Variants in NRXN3 observed in about 807,000 individuals in gnomAD.
NRXN3 encodes the protein neurexin 3.
Under a neutral mutation model 137.6 loss-of-function variants are expected in NRXN3, and 32 were observed. The observed-to-expected ratio is 0.23, with a 90% CI of 0.18 to 0.31. The LOEUF is 0.31. NRXN3 is among the 10% of genes least tolerant of loss of function. The pLI, the probability that NRXN3 is intolerant of heterozygous loss-of-function variation, is 1.00. For synonymous variants in NRXN3, 798 were observed against 784.5 expected, an observed-to-expected ratio of 1.02 and a Z score of -0.29; for missense variants, 1,574 against 2,062.5, an observed-to-expected ratio of 0.76 and a Z score of 4.59.
At chr14:78,328,654 A>G (rs1353742725) in intron 4 of NRXN3, among the ~76,000 whole-genome samples, 1 of 152,238 alleles carries the variant, frequency 6.6e-6, no homozygotes, top group Non-Finnish European at 1.5e-5. Context: ...ATGCATAAAT[A>G]TCCACACCAG....
At chr14:78,935,723 G>T (rs1486852284) in intron 10 of NRXN3, among the ~76,000 whole-genome samples, 3 of 152,098 alleles carry the variant, frequency 2.0e-5, no homozygotes, top group Non-Finnish European at 4.4e-5. Context: ...TCATACTCAG[G>T]ATGTTTAAAA....
At chr14:78,624,426 G>C (rs974080371) in intron 4 of NRXN3, among the ~76,000 whole-genome samples, 1 of 152,232 alleles carries the variant, frequency 6.6e-6, no homozygotes, top group African/African-American at 2.4e-5. Flanking sequence ...GATGTGGATG[G>C]ATGAGGAGAT....
chr14:78,276,449 C>T (rs1051127098), intron 2 of NRXN3, among the ~76,000 whole-genome samples: 3 of 152,230 alleles, frequency 2.0e-5, no homozygotes, highest in South Asian at 2.1e-4. Context: ...TTGATATTTC[C>T]GTCTGTGGTA....
At chr14:79,515,618 C>T (rs574673077) in intron 16 of NRXN3, among the ~76,000 whole-genome samples, 5 of 152,088 alleles carry the variant, frequency 3.3e-5, no homozygotes, top group African/African-American at 9.7e-5. Flanking sequence ...CTCCTCCTCC[C>T]GCCTTCCTGT....
intron 16 of NRXN3, among the ~76,000 whole-genome samples, chr14:79,594,450 C>A (rs1028561762): frequency 6.6e-6 from 1 of 152,072 alleles, no homozygotes; most frequent in Admixed American, 6.5e-5. Context: ...GATACTATAG[C>A]CTTTAAAATA....
chr14:78,575,297 A>G (rs2096926229), intron 4 of NRXN3, among the ~76,000 whole-genome samples: 2 of 152,198 alleles, frequency 1.3e-5, no homozygotes. Flanking sequence ...ATAGGATGGT[A>G]ATATAATAAA....
intron 4 of NRXN3, among the ~76,000 whole-genome samples, chr14:78,356,355 G>A (rs921968823): frequency 2.6e-5 from 4 of 152,236 alleles, no homozygotes; most frequent in African/African-American, 9.6e-5. Flanking sequence ...GAATAGATAT[G>A]AGATATTTCA....
At chr14:79,245,288 C>T (rs138164231) in intron 15 of NRXN3, among the ~76,000 whole-genome samples, 35 of 152,202 alleles carry the variant, frequency 2.3e-4, no homozygotes, top group African/African-American at 8.2e-4. Flanking sequence ...TATGATGTTG[C>T]CACACTCTAT....
chr14:78,353,905 G>T (rs1159001827), intron 4 of NRXN3, among the ~76,000 whole-genome samples: 2 of 152,162 alleles, frequency 1.3e-5, no homozygotes, highest in African/African-American at 4.8e-5. Context: ...GCTGACTTCA[G>T]TTTATGATTA....
intron 19 of NRXN3, among the ~76,000 whole-genome samples, chr14:79,751,362 GCT>G (rs926443955): frequency 6.6e-6 from 1 of 151,708 alleles, no homozygotes; most frequent in Admixed American, 6.6e-5. Context: ...TCATGATTTG[GCT>G]CTCTGTTTGT....
chr14:78,650,929 G>A lies in NRXN3; in HGVS notation c.1060-236G>A, dbSNP rs947216937. Among the ~76,000 whole-genome samples the A allele has an allele frequency of 2.2e-4, 34 of 152,162 alleles. 1 individual carries two copies. The highest frequency in any genetic ancestry group is 5.9e-5 in the Non-Finnish European group (4 of 68,030). On this transcript the variant is annotated intron_variant, in intron 5 of 20. Transcript: ENST00000335750. ...ATGGGTAGAACAAGGTGCCCAGCTT[G>A]GAAATTCTAACAAAGTCATCCATGA... is the stretch of plus-strand genomic sequence containing the variant.
chr14:79,267,630 G>T (rs1239966353), intron 15 of NRXN3, among the ~76,000 whole-genome samples: 2 of 151,106 alleles, frequency 1.3e-5, no homozygotes. Flanking sequence ...ACTGCTAGGT[G>T]AGCTACCACA....
Position 79,862,117 on chromosome 14 carries a change from A to G in NRXN3, c.*153A>G. 1 of 651,978 alleles carries G rather than the reference A, an allele frequency of 1.5e-6. No homozygotes were observed. Among genetic ancestry groups the G allele is most frequent in the Non-Finnish European group, 2.6e-6 (1 of 378,776 alleles). 40.4% of individuals were successfully genotyped at this position (651,978 alleles called of 1,614,324 possible). A position where few individuals can be genotyped will look rare whatever the true frequency, so the allele number is the denominator to read the frequency against. ...TCTGGTGGGGAAAACCGTTTTTTAA[A>G]GGACACACACACACACAGCGATGCA... On this transcript the variant is annotated 3_prime_UTR_variant, in exon 21 of 21. Coordinates refer to ENST00000335750, the MANE Select transcript of NRXN3 (RefSeq NM_001330195.2).
At chr14:79,387,018 A>T (rs554587434) in intron 15 of NRXN3, among the ~76,000 whole-genome samples, 185 of 152,200 alleles carry the variant, frequency 1.2e-3, no homozygotes, top group Non-Finnish European at 2.3e-3. Flanking sequence ...AACCTAGGCA[A>T]TACCATTCAG....
chr14:78,350,968 A>T (rs1174967616), intron 4 of NRXN3, among the ~76,000 whole-genome samples: 1 of 22,012 alleles, frequency 4.5e-5, no homozygotes, highest in Non-Finnish European at 1.8e-4. Flanking sequence ...TATTTTTATT[A>T]TAAAAATTAA....
chr14:79,141,393 T>TAG (rs1189997013), intron 15 of NRXN3, among the ~76,000 whole-genome samples: 9 of 152,350 alleles, frequency 5.9e-5, no homozygotes, highest in African/African-American at 2.2e-4. Flanking sequence ...GGAATGTGCT[T>TAG]AGCCCTGTGT....
intron 4 of NRXN3, among the ~76,000 whole-genome samples, chr14:78,538,173 G>A (rs1465837851): frequency 6.6e-6 from 1 of 152,126 alleles, no homozygotes; most frequent in Non-Finnish European, 1.5e-5. Context: ...GCTTAATGGG[G>A]ATGGCATTGA....
At chr14:79,007,917 G>A (rs759555227) in intron 15 of NRXN3, among the ~76,000 whole-genome samples, 2 of 151,180 alleles carry the variant, frequency 1.3e-5, no homozygotes, top group South Asian at 4.2e-4. Context: ...GTACAAGGTT[G>A]ACTACTACTT....
Position 78,858,896 on chromosome 14 carries a change from G to A in NRXN3, c.2275+48552G>A, listed in dbSNP as rs578199173. ...GTATTCAGTGTTTCATGCCTTCAGT[G>A]TTCTTTTAGAAATCTGTATGTATTC... is the stretch of plus-strand genomic sequence containing the variant. On this transcript the variant is annotated intron_variant, in intron 10 of 20. Coordinates refer to ENST00000335750, the MANE Select transcript of NRXN3 (RefSeq NM_001330195.2). Among the ~76,000 whole-genome samples, 190 of 152,110 alleles carry A rather than the reference G, an allele frequency of 1.2e-3. 1 individual carries two copies. Among genetic ancestry groups the A allele is most frequent in the Non-Finnish European group, 1.4e-3 (97 of 68,024 alleles).
Sources: allele counts gnomAD v4.1 joint callset (sites outside exome capture counted in the v4.1 genomes callset), GRCh38; gene constraint gnomAD v4.1.1; transcripts MANE v1.5; gene names NCBI Gene and HGNC (gene_info 2026-07-23, HGNC 2026-07-21).